The following AAK1 variants were observed in gnomAD, a reference collection of about 807,000 sequenced individuals.
AAK1 encodes the protein AP2-associated protein kinase 1.
AAK1 carries 37 observed loss-of-function variants against 116.0 expected under a neutral mutation model. That is an observed-to-expected ratio of 0.32 (90% CI 0.25 to 0.42). AAK1 has a LOEUF of 0.42. AAK1 is among the 10% of genes least tolerant of loss of function. The pLI, the probability that AAK1 is intolerant of heterozygous loss-of-function variation, is 1.00. For missense variants in AAK1, 919 were observed against 1,170.6 expected, an observed-to-expected ratio of 0.79 and a Z score of 3.14; for synonymous variants, 458 against 439.9, an observed-to-expected ratio of 1.04 and a Z score of -0.51.
chr2:69,486,382 C>T (rs1485646332), intron 17 of AAK1, among the ~76,000 whole-genome samples: 1 of 152,116 alleles, frequency 6.6e-6, no homozygotes, highest in Non-Finnish European at 1.5e-5. Context: ...TTTAGGGGGG[C>T]TTATTTTCTG....
chr2:69,557,363 G>A (rs978559364), intron 2 of AAK1, among the ~76,000 whole-genome samples: 4 of 149,312 alleles, frequency 2.7e-5, no homozygotes, highest in African/African-American at 5.0e-5. Context: ...ATGAAGTGGC[G>A]TGATCACTGC....
At chr2:69,507,645 T>C in intron 14 of AAK1, 67 bp from the exon 15 acceptor site, 3 of 1,357,008 alleles carry the variant, frequency 2.2e-6, no homozygotes, top group Non-Finnish European at 3.0e-6. Flanking sequence ...AAGGGTCAAC[T>C]TATTTTCTCT....
Position 69,469,637 on chromosome 2 carries a change from G to A in AAK1, c.*6232C>T. The A allele has an allele frequency of 1.0e-6, 1 of 985,442 alleles. No individual in the cohort carries two copies. Among genetic ancestry groups the A allele is most frequent in the Non-Finnish European group, 1.2e-6 (1 of 829,950 alleles). The allele number at this position is 985,442 out of a possible 1,614,324, so 61.0% of individuals were successfully genotyped here. A position where few individuals can be genotyped will look rare whatever the true frequency, so the allele number is the denominator to read the frequency against. On this transcript the variant is annotated 3_prime_UTR_variant, in exon 22 of 22. Coordinates refer to ENST00000409085, the MANE Select transcript of AAK1 (RefSeq NM_014911.5). ...GTAAACACTGCCTGTTGTACCTCAG[G>A]GGCTAAAGCCCAGGGCCTGGCTTCA...
At chr2:69,558,337 C>T (rs1671480355) in intron 2 of AAK1, among the ~76,000 whole-genome samples, 1 of 105,720 alleles carries the variant, frequency 9.5e-6, no homozygotes, top group Admixed American at 1.1e-4. Flanking sequence ...GAGACCCTGT[C>T]TCAAAAAAAA....
intron 14 of AAK1, 126 bp from the exon 15 acceptor site, chr2:69,507,704 A>C: frequency 2.2e-6 from 2 of 921,720 alleles, no homozygotes; most frequent in Non-Finnish European, 3.1e-6. Flanking sequence ...TTTCCACCAC[A>C]GTATTTTTTT....
intron 16 of AAK1, among the ~76,000 whole-genome samples, chr2:69,504,247 A>G (rs1676089121): frequency 6.6e-6 from 1 of 151,000 alleles, no homozygotes; most frequent in Non-Finnish European, 1.5e-5. Context: ...AACTACAAAC[A>G]TTAGCCGGCC....
At chr2:69,640,053 A>ACACACTCTCTCTCTCTCT in intron 2 of AAK1, among the ~76,000 whole-genome samples, 1 of 92,790 alleles carries the variant, frequency 1.1e-5, no homozygotes, top group African/African-American at 4.9e-5. Context: ...ACACACACAC[A>ACACACTCTCTCTCTCTCT]CTCTCTCTCT....
chr2:69,624,634 A>T (rs1490342669), intron 2 of AAK1, among the ~76,000 whole-genome samples: 1 of 152,216 alleles, frequency 6.6e-6, no homozygotes, highest in Non-Finnish European at 1.5e-5. Context: ...AGACTTCTTG[A>T]TTGCTTTCTT....
At chr2:69,621,636 G>A (rs1014541476) in intron 2 of AAK1, among the ~76,000 whole-genome samples, 6 of 152,180 alleles carry the variant, frequency 3.9e-5, no homozygotes, top group African/African-American at 1.4e-4. Flanking sequence ...TTTTGGGGTG[G>A]TTTGTTATAC....
chr2:69,605,704 T>C (rs1336022479), intron 2 of AAK1, among the ~76,000 whole-genome samples: 1 of 152,234 alleles, frequency 6.6e-6, no homozygotes, highest in East Asian at 1.9e-4. Context: ...TTATAATGTG[T>C]AGATGTGTGT....
At chr2:69,534,711 C>T (rs2105032592) in intron 5 of AAK1, among the ~76,000 whole-genome samples, 1 of 152,252 alleles carries the variant, frequency 6.6e-6, no homozygotes, top group East Asian at 1.9e-4. Context: ...AAACCATGCC[C>T]ACTTGTTACT....
At chr2:69,605,467 G>A (rs1360770555) in intron 2 of AAK1, among the ~76,000 whole-genome samples, 4 of 152,056 alleles carry the variant, frequency 2.6e-5, no homozygotes, top group African/African-American at 9.7e-5. Context: ...TAGATTCACA[G>A]GAAGTTGCGA....
At chr2:69,515,180 G>A (rs920971597) in intron 12 of AAK1, among the ~76,000 whole-genome samples, 1 of 152,224 alleles carries the variant, frequency 6.6e-6, no homozygotes, top group Non-Finnish European at 1.5e-5. Context: ...ATGAAGCAAT[G>A]ATGACACTGA....
chr2:69,541,348 C>T lies in AAK1; in HGVS notation c.534+1175G>A, dbSNP rs570305677. Reference sequence around the variant, plus strand: ...CAGGTGCAAGTGATTCTCATGCCTCCGCCTCCTGAGTACCTGGGACTATAG... The same window carrying T: ...CAGGTGCAAGTGATTCTCATGCCTCTGCCTCCTGAGTACCTGGGACTATAG... On this transcript the variant is annotated intron_variant, in intron 5 of 21. Coordinates refer to ENST00000409085, the MANE Select transcript of AAK1 (RefSeq NM_014911.5). Among the ~76,000 whole-genome samples, 4 of 151,378 alleles carry T rather than the reference C, an allele frequency of 2.6e-5. No individual in the cohort carries two copies. The South Asian group carries it at 8.4e-4, about 32-fold the overall frequency.
Position 69,640,079 on chromosome 2 carries a change from T to TCC in AAK1, c.163+2797_163+2798dup, listed in dbSNP as rs568869134. 6.5e-4 allele frequency among the ~76,000 whole-genome samples: 88 copies of TCC among 136,318 alleles called. 1 individual carries two copies. Among genetic ancestry groups the TCC allele is most frequent in the Admixed American group, 2.4e-3 (33 of 13,778 alleles). 89.4% of individuals were successfully genotyped at this position (136,318 alleles called of 152,430 possible). On this transcript the variant is annotated intron_variant, in intron 2 of 21. Coordinates refer to ENST00000409085, the MANE Select transcript of AAK1 (RefSeq NM_014911.5). Reference sequence around the variant, plus strand: ...CTCTCTCTCTCTCTCTCTCTCTCTCTCCCCCCCCACATATATACATATGAT... The same window carrying TCC: ...CTCTCTCTCTCTCTCTCTCTCTCTCTCCCCCCCCCCACATATATACATATGAT...
Position 69,500,110 on chromosome 2 carries a change from CCTG to C in AAK1, c.2270-4033_2270-4031del, listed in dbSNP as rs532673122. ...TCCTCCCGAACCCATTATGACATTT[CCTG>C]CTTAGTTTCTCCTTTGATCAATCAG... On this transcript the variant is annotated intron_variant, in intron 16 of 21. Coordinates refer to ENST00000409085, the MANE Select transcript of AAK1 (RefSeq NM_014911.5). The C allele has an allele frequency of 9.8e-5, 15 of 152,308 alleles. No homozygotes were observed. In the East Asian group the frequency reaches 2.7e-3, roughly 27 times the overall value. The allele number at this position is 152,308 out of a possible 1,614,324, so 9.4% of individuals were successfully genotyped here.
At chr2:69,582,366 CGTGTGTGCGT>C in intron 2 of AAK1, among the ~76,000 whole-genome samples, 1 of 151,946 alleles carries the variant, frequency 6.6e-6, no homozygotes, top group Non-Finnish European at 1.5e-5. Flanking sequence ...GAAAAACCTC[CGTGTGTGCGT>C]GTGTGTGCAC....
intron 5 of AAK1, among the ~76,000 whole-genome samples, chr2:69,540,959 C>T (rs377651508): frequency 9.9e-5 from 15 of 152,198 alleles, no homozygotes; most frequent in South Asian, 8.3e-4. Flanking sequence ...ATAACATTGA[C>T]GAACCTTGAA....
intron 13 of AAK1, among the ~76,000 whole-genome samples, chr2:69,510,575 T>C (rs902943514): frequency 6.6e-6 from 1 of 152,212 alleles, no homozygotes; most frequent in Non-Finnish European, 1.5e-5. Context: ...AGTAATGGGA[T>C]TGCTGGGTTG....
Sources: gnomAD v4.1 joint callset for allele counts (sites outside exome capture counted in the v4.1 genomes callset) on GRCh38, gnomAD v4.1.1 for gene constraint, MANE v1.5 for transcripts, NCBI Gene and HGNC (gene_info 2026-07-23, HGNC 2026-07-21) for gene names.